Variants in NFIA observed in about 807,000 individuals in gnomAD.
The protein encoded by NFIA is nuclear factor I A.
Under a neutral mutation model 62.8 loss-of-function variants are expected in NFIA, and 8 were observed. The ratio of observed to expected loss-of-function variants is 0.13; its 90% CI spans 0.07 to 0.23. The LOEUF is 0.23. NFIA is among the 10% of genes least tolerant of loss of function. NFIA has a pLI of 1.00. For missense variants in NFIA, 410 were observed against 642.1 expected (o/e 0.64, Z 3.91); for synonymous variants, 235 against 238.1 (o/e 0.99, Z 0.12).
chr1:61,193,993 A>C (rs1651824045), intron 2 of NFIA, among the ~76,000 whole-genome samples: 1 of 152,224 alleles, frequency 6.6e-6, no homozygotes, highest in African/African-American at 2.4e-5. Flanking sequence ...AATTTAATTA[A>C]AATAGGGGAA....
intron 2 of NFIA, among the ~76,000 whole-genome samples, chr1:61,103,910 TTGA>T (rs1333209607): frequency 1.3e-5 from 2 of 152,268 alleles, no homozygotes; most frequent in African/African-American, 4.8e-5. Context: ...TGCTAGACAA[TTGA>T]TGATGCTAAA....
intron 2 of NFIA, among the ~76,000 whole-genome samples, chr1:61,148,016 A>G (rs1238919033): frequency 6.6e-6 from 1 of 152,136 alleles, no homozygotes; most frequent in African/African-American, 2.4e-5. Flanking sequence ...TAGTAGAAGC[A>G]AGGGGTGTTT....
Position 61,082,600 on chromosome 1 carries a change from C to T in NFIA, c.-192C>T. ...GCTCATGGAGCGGCAATAGCGCTGG[C>T]TGGCTGGCTGCAGTTGAGCCGACTT... On this transcript the variant is annotated 5_prime_UTR_variant, in exon 1 of 11. Coordinates refer to ENST00000403491, the MANE Select transcript of NFIA (RefSeq NM_001134673.4). 6.7e-7 allele frequency: 1 copy of T among 1,489,442 alleles called. No individual in the cohort carries two copies. The highest frequency in any genetic ancestry group is 9.0e-7 in the Non-Finnish European group (1 of 1,115,306). 92.3% of individuals were successfully genotyped at this position (1,489,442 alleles called of 1,614,324 possible).
intron 2 of NFIA, among the ~76,000 whole-genome samples, chr1:61,252,081 A>T (rs1656077687): frequency 6.6e-6 from 1 of 152,222 alleles, no homozygotes; most frequent in Non-Finnish European, 1.5e-5. Flanking sequence ...ATTGTATCAC[A>T]GCATCAAGCA....
chr1:61,342,702 G>A (rs1221338931), intron 4 of NFIA, among the ~76,000 whole-genome samples: 7 of 152,180 alleles, frequency 4.6e-5, no homozygotes, highest in South Asian at 2.1e-4. Flanking sequence ...AAGTGTAGGC[G>A]ATAATTATTC....
chr1:61,114,166 G>C (rs566265276), intron 2 of NFIA, among the ~76,000 whole-genome samples: 2 of 152,224 alleles, frequency 1.3e-5, no homozygotes, highest in African/African-American at 4.8e-5. Flanking sequence ...CTGATTCTGA[G>C]TAGTACTTGA....
chr1:61,195,317 A>T (rs1455386936), intron 2 of NFIA, among the ~76,000 whole-genome samples: 3 of 152,140 alleles, frequency 2.0e-5, no homozygotes, highest in African/African-American at 7.2e-5. Context: ...AATTAATATT[A>T]TCTTAGCCAT....
chr1:61,218,877 TAAA>T (rs1238265379), intron 2 of NFIA, among the ~76,000 whole-genome samples: 1 of 152,204 alleles, frequency 6.6e-6, no homozygotes, highest in African/African-American at 2.4e-5. Context: ...ATCATCTTTG[TAAA>T]AAAGCAGCAT....
intron 2 of NFIA, among the ~76,000 whole-genome samples, chr1:61,191,688 A>G (rs1032136854): frequency 6.6e-6 from 1 of 152,122 alleles, no homozygotes; most frequent in African/African-American, 2.4e-5. Context: ...ATGGCATTCA[A>G]ATCAATTTGT....
chr1:61,352,931 G>T (rs1324622768), intron 5 of NFIA, among the ~76,000 whole-genome samples: 1 of 152,090 alleles, frequency 6.6e-6, no homozygotes, highest in East Asian at 1.9e-4. Flanking sequence ...ATGGAATTCT[G>T]GGTGGGGTGA....
intron 9 of NFIA, among the ~76,000 whole-genome samples, chr1:61,422,672 C>G (rs146429553): frequency 6.6e-6 from 1 of 150,878 alleles, no homozygotes; most frequent in Non-Finnish European, 1.5e-5. Context: ...CTTGGGAGGC[C>G]GAGGCGAGAG....
chr1:61,154,379 C>G (rs946507394), intron 2 of NFIA, among the ~76,000 whole-genome samples: 3 of 152,162 alleles, frequency 2.0e-5, no homozygotes, highest in African/African-American at 7.2e-5. Context: ...TGGTCTCAAA[C>G]TCCTGACCTT....
At chr1:61,177,872 T>C (rs956613494) in intron 2 of NFIA, among the ~76,000 whole-genome samples, 1 of 152,192 alleles carries the variant, frequency 6.6e-6, no homozygotes, top group Admixed American at 6.5e-5. Context: ...TCCCACACAG[T>C]AGCCACTCTT....
intron 6 of NFIA, among the ~76,000 whole-genome samples, chr1:61,375,947 T>C (rs1000159293): frequency 6.6e-6 from 1 of 152,178 alleles, no homozygotes; most frequent in African/African-American, 2.4e-5. Flanking sequence ...CTCACTCTCC[T>C]GGAACTCACT....
At position 61,418,270 on chromosome 1, in the gene NFIA, C is replaced by T. The variant is rs148629750; in HGVS notation, c.1421-8195C>T. Among the ~76,000 whole-genome samples the T allele has an allele frequency of 3.7e-3, 556 of 152,066 alleles. 5 individuals are homozygous for T. Among genetic ancestry groups the T allele is most frequent in the South Asian group, 0.015 (73 of 4,812 alleles). ...CTTGAGCCCAGGAGTTCAAGACCAG[C>T]CTGGGCAACATAATGAGACAGTGTC... On this transcript the variant is annotated intron_variant, in intron 9 of 10. Transcript: ENST00000403491.
chr1:61,345,394 T>A (rs1238260235), intron 4 of NFIA, among the ~76,000 whole-genome samples: 1 of 152,188 alleles, frequency 6.6e-6, no homozygotes, highest in Non-Finnish European at 1.5e-5. Flanking sequence ...CAAAGGGAGC[T>A]CTAGGACCTG....
At chr1:61,299,185 C>T (rs751409176) in intron 3 of NFIA, among the ~76,000 whole-genome samples, 6 of 152,258 alleles carry the variant, frequency 3.9e-5, no homozygotes, top group East Asian at 1.9e-4. Context: ...GATTCCCATC[C>T]GGTATCAAGA....
At chr1:61,142,454 G>A (rs970289229) in intron 2 of NFIA, among the ~76,000 whole-genome samples, 1 of 152,044 alleles carries the variant, frequency 6.6e-6, no homozygotes, top group Non-Finnish European at 1.5e-5. Context: ...CATATTTCAG[G>A]ATATAAACTT....
intron 9 of NFIA, among the ~76,000 whole-genome samples, chr1:61,413,901 C>T (rs1341356337): frequency 3.3e-5 from 5 of 151,822 alleles, no homozygotes. Flanking sequence ...GCTGGGATTA[C>T]AGGCATGAGC....
Sources: gnomAD v4.1 joint callset for allele counts (sites outside exome capture counted in the v4.1 genomes callset) on GRCh38, gnomAD v4.1.1 for gene constraint, MANE v1.5 for transcripts, NCBI Gene and HGNC (gene_info 2026-07-23, HGNC 2026-07-21) for gene names.